LONP2: variants seen among roughly 807,000 people sequenced by gnomAD.
LONP2 encodes the protein lon peptidase 2, peroxisomal.
Under a neutral mutation model 85.6 loss-of-function variants are expected in LONP2, and 60 were observed. The ratio of observed to expected loss-of-function variants is 0.70; its 90% CI spans 0.57 to 0.87. The LOEUF (loss-of-function observed/expected upper bound fraction) is 0.87. Ranked by LOEUF, LONP2 falls within the 40% of genes least tolerant of loss-of-function variation. The pLI, the probability that LONP2 is intolerant of heterozygous loss-of-function variation, is 0.00. For missense variants in LONP2, 860 were observed against 1,063.5 expected (o/e 0.81, Z 2.66); for synonymous variants, 395 against 389.7 (o/e 1.01, Z -0.16).
intron 11 of LONP2, among the ~76,000 whole-genome samples, chr16:48,332,527 C>T (rs781016479): frequency 7.9e-5 from 12 of 152,140 alleles, no homozygotes; most frequent in Non-Finnish European, 1.6e-4. Flanking sequence ...GCCTGGCCAA[C>T]ATGCTGAAAC....
At chr16:48,286,470 C>T (rs1163896918) in intron 8 of LONP2, among the ~76,000 whole-genome samples, 1 of 151,876 alleles carries the variant, frequency 6.6e-6, no homozygotes, top group Non-Finnish European at 1.5e-5. Context: ...CTAATAAATC[C>T]AACATGTCTT....
intron 8 of LONP2, among the ~76,000 whole-genome samples, chr16:48,278,509 T>G (rs1374357175): frequency 6.6e-6 from 1 of 152,200 alleles, no homozygotes; most frequent in African/African-American, 2.4e-5. Context: ...TCTGAAAATG[T>G]CTTTATGTTT....
intron 7 of LONP2, among the ~76,000 whole-genome samples, chr16:48,271,412 A>G (rs1171522252): frequency 6.6e-6 from 1 of 152,222 alleles, no homozygotes; most frequent in African/African-American, 2.4e-5. Flanking sequence ...TGTAGGAACC[A>G]TGAACTGCTT....
intron 11 of LONP2, among the ~76,000 whole-genome samples, chr16:48,322,685 G>A (rs1051471015): frequency 4.6e-5 from 7 of 152,014 alleles, no homozygotes; most frequent in Non-Finnish European, 1.0e-4. Context: ...GACCAGTCTG[G>A]GCAACATAGC....
At chr16:48,273,225 A>G (rs1972142004) in intron 7 of LONP2, among the ~76,000 whole-genome samples, 1 of 152,148 alleles carries the variant, frequency 6.6e-6, no homozygotes, top group Non-Finnish European at 1.5e-5. Flanking sequence ...CGATTTTGCC[A>G]CTCACTCTCC....
chr16:48,252,193 C>A lies in LONP2; in HGVS notation c.296C>A (p.Thr99Asn), dbSNP rs374794362. ...VGSNWPKPHY[T>N]LLITGLCRFQ... is the part of the protein sequence containing the mutation. ...AGTAACTGGCCCAAGCCCCACTACA[C>A]TCTGTTGATTACAGGCCTATGCCGT... is the stretch of plus-strand genomic sequence containing the variant. Residue 99 changes from threonine to asparagine, a missense_variant, in exon 2 of 15, where the codon ACT becomes AAT. Coordinates refer to ENST00000285737, the MANE Select transcript of LONP2 (RefSeq NM_031490.5). 6.2e-7 allele frequency: 1 copy of A among 1,613,774 alleles called. No homozygotes were observed. The highest frequency in any genetic ancestry group is 8.5e-7 in the Non-Finnish European group (1 of 1,179,732).
At chr16:48,324,617 A>G (rs1248812309) in intron 11 of LONP2, among the ~76,000 whole-genome samples, 33 of 152,172 alleles carry the variant, frequency 2.2e-4, no homozygotes, top group Admixed American at 2.2e-3. Context: ...TATTTTGATG[A>G]TTTGTCATTT....
At chr16:48,305,654 C>G (rs1416310344) in intron 11 of LONP2, among the ~76,000 whole-genome samples, 3 of 152,108 alleles carry the variant, frequency 2.0e-5, no homozygotes, top group African/African-American at 7.2e-5. Context: ...ACCTTGAATT[C>G]TTTAGCTTTT....
intron 4 of LONP2, among the ~76,000 whole-genome samples, chr16:48,259,760 T>C (rs1239414009): frequency 6.6e-6 from 1 of 152,222 alleles, no homozygotes; most frequent in Non-Finnish European, 1.5e-5. Context: ...GACACCATGC[T>C]GTTTAAAACA....
chr16:48,258,357 GA>G lies in LONP2; in HGVS notation c.601-250del, dbSNP rs1168180704. Among the ~76,000 whole-genome samples, 1,117 of 133,808 alleles carry G rather than the reference GA, an allele frequency of 8.3e-3. 12 individuals carry two copies. Among genetic ancestry groups the G allele is most frequent in the African/African-American group, 0.028 (1,015 of 36,500 alleles). 87.8% of individuals were successfully genotyped at this position (133,808 alleles called of 152,430 possible). ...CAAGATTCCGTCTCAAAAAAAAAAA[GA>G]AAAAAAAAAACCACACAGCTTCATT... On this transcript the variant is annotated intron_variant, in intron 3 of 14. Coordinates refer to ENST00000285737, the MANE Select transcript of LONP2 (RefSeq NM_031490.5).
At position 48,356,508 on chromosome 16, in the gene LONP2, C is replaced by G. The variant is rs1467375217; in HGVS notation, c.*4706C>G. On this transcript the variant is annotated 3_prime_UTR_variant, in exon 15 of 15. Transcript: ENST00000285737. ...CTATTGCCATGAAAATTGTATCCAG[C>G]AGCTAAAAAAAAAAAAAAAAAAAAA... 1 of 139,386 alleles carries G rather than the reference C, an allele frequency of 7.2e-6. No homozygotes were observed. Among genetic ancestry groups the G allele is most frequent in the African/African-American group, 3.0e-5 (1 of 33,436 alleles). 8.6% of individuals were successfully genotyped at this position (139,386 alleles called of 1,614,324 possible). A position where few individuals can be genotyped will look rare whatever the true frequency, so the allele number is the denominator to read the frequency against.
At chr16:48,248,044 A>T (rs1400187144) in intron 1 of LONP2, among the ~76,000 whole-genome samples, 2 of 152,218 alleles carry the variant, frequency 1.3e-5, no homozygotes, top group African/African-American at 2.4e-5. Context: ...ATTTAAATTT[A>T]TCCTTTAAAT....
chr16:48,260,746 G>A (rs74016351), intron 4 of LONP2, among the ~76,000 whole-genome samples: 1,864 of 152,298 alleles, frequency 0.012, 39 homozygotes, highest in African/African-American at 0.042. Flanking sequence ...AAGGCCATTT[G>A]ACTTTGCACA....
At position 48,354,996 on chromosome 16, in the gene LONP2, A is replaced by G. The variant is rs933945136; in HGVS notation, c.*3194A>G. ...AGCCATGTGGTAGCAAGTACCAGAA[A>G]TTTTTATGGCCAAATAATACACCAC... On this transcript the variant is annotated 3_prime_UTR_variant, in exon 15 of 15. Coordinates refer to ENST00000285737, the MANE Select transcript of LONP2 (RefSeq NM_031490.5). The G allele has an allele frequency of 6.6e-6, 1 of 152,212 alleles. No homozygotes were observed. Among genetic ancestry groups the G allele is most frequent in the African/African-American group, 2.4e-5 (1 of 41,446 alleles). 9.4% of individuals were successfully genotyped at this position (152,212 alleles called of 1,614,324 possible). A position where few individuals can be genotyped will look rare whatever the true frequency, so the allele number is the denominator to read the frequency against.
At chr16:48,344,000 A>G (rs527593830) in intron 12 of LONP2, 1 of 152,372 alleles carries the variant, frequency 6.6e-6, no homozygotes, top group Admixed American at 6.5e-5. Context: ...CGATGACTTC[A>G]CAAACCATTT....
chr16:48,330,929 G>A (rs891402753), intron 11 of LONP2, among the ~76,000 whole-genome samples: 4 of 152,130 alleles, frequency 2.6e-5, no homozygotes, highest in Non-Finnish European at 4.4e-5. Context: ...GCTGAACCCC[G>A]TACTACACTT....
intron 6 of LONP2, 42 bp downstream of exon 6, chr16:48,262,914 C>T (rs754920502): frequency 5.8e-6 from 7 of 1,202,488 alleles, no homozygotes; most frequent in Non-Finnish European, 7.2e-6. Flanking sequence ...CTAATTGTCA[C>T]TCAGAAAGCT....
At chr16:48,336,668 T>G (rs1959659149) in intron 12 of LONP2, among the ~76,000 whole-genome samples, 1 of 152,160 alleles carries the variant, frequency 6.6e-6, no homozygotes, top group Non-Finnish European at 1.5e-5. Context: ...GAGAAGGAAT[T>G]TCACTAGGTT....
At chr16:48,296,782 T>C (rs536559433) in intron 9 of LONP2, among the ~76,000 whole-genome samples, 1 of 152,022 alleles carries the variant, frequency 6.6e-6, no homozygotes, top group Non-Finnish European at 1.5e-5. Context: ...CTCACTTTTA[T>C]ATTAAAGTGC....
Sources: gnomAD v4.1 joint callset for allele counts (sites outside exome capture counted in the v4.1 genomes callset) on GRCh38, gnomAD v4.1.1 for gene constraint, MANE v1.5 for transcripts, NCBI Gene and HGNC (gene_info 2026-07-23, HGNC 2026-07-21) for gene names.